The following ALLC variants were observed in gnomAD, a reference collection of about 807,000 sequenced individuals.
ALLC encodes the protein allantoicase, also known as probable inactive allantoicase.
Under a neutral mutation model 45.0 loss-of-function variants are expected in ALLC, and 40 were observed. That is an observed-to-expected ratio of 0.89 (90% confidence interval 0.69 to 1.16). The LOEUF (loss-of-function observed/expected upper bound fraction) is 1.16. ALLC is among the 50% of genes most tolerant of loss of function. The pLI is 0.00. For missense variants in ALLC, 488 were observed against 493.1 expected, an observed-to-expected ratio of 0.99 and a Z score of 0.10; for synonymous variants, 176 against 178.1, an observed-to-expected ratio of 0.99 and a Z score of 0.09.
At chr2:3,648,152 CAGG>C in the ALLC span, among the ~76,000 whole-genome samples, 1 of 152,284 alleles carries the variant, frequency 6.6e-6, no homozygotes, top group Non-Finnish European at 1.5e-5. Context: ...AGGATGGGAG[CAGG>C]AGAGCTCTTT....
rs368232035 is a variant in ALLC at position 3,684,570 on chromosome 2, C to G, written c.511+1496C>G. Among the ~76,000 whole-genome samples the G allele has an allele frequency of 2.7e-3, 404 of 152,218 alleles. 4 individuals carry two copies. The highest frequency in any genetic ancestry group is 9.1e-3 in the African/African-American group (380 of 41,532). ...GTGTAGCCTGTTATCCCTCACCCCC[C>G]ACCCTTCCCCACATTGTATCATTCT... is the stretch of plus-strand genomic sequence containing the variant. On this transcript the variant is annotated intron_variant, in intron 7 of 11. Transcript: ENST00000252505.
rs115755887 is a variant in ALLC, at chr2:3,663,631, A to G, written c.-63+5337A>G. On this transcript the variant is annotated intron_variant, in intron 1 of 11. Transcript: ENST00000252505. ...CAGAAACAGTATCTGCCTGGTGCAC[A>G]GTAGGTCTTCAATGGTAAGTAGCCA... Among the ~76,000 whole-genome samples, 182 of 152,274 alleles carry G rather than the reference A, an allele frequency of 1.2e-3. 1 individual carries two copies. The highest frequency in any genetic ancestry group is 4.1e-3 in the African/African-American group (171 of 41,552).
the ALLC span, among the ~76,000 whole-genome samples, chr2:3,649,463 G>A: frequency 2.0e-5 from 3 of 152,082 alleles, no homozygotes; most frequent in Admixed American, 6.6e-5. Context: ...GGATGGTCTC[G>A]ATCTCCTGAC....
chr2:3,701,687 T>C, intron 11 of ALLC, 51 bp downstream of exon 11: 1 of 1,548,896 alleles, frequency 6.5e-7, no homozygotes, highest in Non-Finnish European at 8.8e-7. Context: ...GCTATTTCCC[T>C]AAGATTCTCT....
intron 3 of ALLC, among the ~76,000 whole-genome samples, chr2:3,675,016 G>C (rs983220333): frequency 2.0e-5 from 3 of 152,180 alleles, no homozygotes; most frequent in Non-Finnish European, 4.4e-5. Flanking sequence ...TTGGAGAGGA[G>C]ATAACCAACC....
At chr2:3,677,874 G>A (rs1160726362) in intron 3 of ALLC, among the ~76,000 whole-genome samples, 1 of 152,240 alleles carries the variant, frequency 6.6e-6, no homozygotes, top group Non-Finnish European at 1.5e-5. Context: ...CGCTATTTGA[G>A]GGTCTTTCAT....
At chr2:3,695,941 G>A in intron 8 of ALLC, 69 bp downstream of exon 8, 13 of 1,454,756 alleles carry the variant, frequency 8.9e-6, no homozygotes, top group Non-Finnish European at 1.2e-5. Context: ...CCCCAATATG[G>A]TCAGAGTGAT....
chr2:3,697,058 G>A (rs893912351), intron 9 of ALLC, among the ~76,000 whole-genome samples: 3 of 152,190 alleles, frequency 2.0e-5, no homozygotes, highest in Non-Finnish European at 4.4e-5. Flanking sequence ...GACTGGAATA[G>A]ACGAAGATTG....
chr2:3,698,148 A>G (rs974135381), intron 10 of ALLC, among the ~76,000 whole-genome samples: 1 of 151,730 alleles, frequency 6.6e-6, no homozygotes, highest in Non-Finnish European at 1.5e-5. Flanking sequence ...TATTGTTAGT[A>G]GAGACGGGGT....
At chr2:3,656,123 C>A (rs1204395365), upstream of ALLC, among the ~76,000 whole-genome samples, 1 of 152,238 alleles carries the variant, frequency 6.6e-6, no homozygotes, top group East Asian at 1.9e-4. Flanking sequence ...GCGCAGGGGT[C>A]GGGAGGAGCC....
chr2:3,696,370 T>C (rs1667673292), intron 9 of ALLC, 22 bp downstream of exon 9: 2 of 1,574,842 alleles, frequency 1.3e-6, no homozygotes, highest in Non-Finnish European at 1.7e-6. Flanking sequence ...AAAATAACTA[T>C]GGTTTAAAGT....
At chr2:3,674,933 G>C (rs1666982266) in intron 3 of ALLC, among the ~76,000 whole-genome samples, 1 of 152,210 alleles carries the variant, frequency 6.6e-6, no homozygotes, top group Non-Finnish European at 1.5e-5. Flanking sequence ...CCTTGACCTA[G>C]TTGTTCCACA....
chr2:3,671,115 G>A lies in ALLC; in HGVS notation c.-43G>A, dbSNP rs771791796. ...TTCCAGGAAGCACGGCTGATGCTCCGAAGGAGGGAAGACTGACCCGGTTTC... is the reference window on the plus strand; with the variant it reads ...TTCCAGGAAGCACGGCTGATGCTCCAAAGGAGGGAAGACTGACCCGGTTTC... On this transcript the variant is annotated 5_prime_UTR_variant, in exon 2 of 12. Transcript: ENST00000252505. 3.1e-6 allele frequency: 5 copies of A among 1,601,812 alleles called. No individual in the cohort carries two copies. The highest frequency in any genetic ancestry group is 2.7e-5 in the African/African-American group (2 of 74,758).
intron 1 of ALLC, among the ~76,000 whole-genome samples, chr2:3,659,003 G>A (rs1198642255): frequency 6.6e-6 from 1 of 152,054 alleles, no homozygotes; most frequent in Non-Finnish European, 1.5e-5. Context: ...CAGGAGTCTC[G>A]TGCAGTTGAC....
intron 2 of ALLC, among the ~76,000 whole-genome samples, chr2:3,673,222 C>T (rs66557864): frequency 4.6e-5 from 7 of 152,230 alleles, no homozygotes; most frequent in Middle Eastern, 3.4e-3. Flanking sequence ...GAACACGCTG[C>T]GCGTTTGTGA....
Position 3,683,041 on chromosome 2 carries a change from A to G in ALLC, c.478A>G (p.Arg160Gly). Reference sequence around the variant, plus strand: ...CTATTTTCTTGTCAATTCCCAGCAGAGATGGACTCATATCAGACTCAACAT... The same window carrying G: ...CTATTTTCTTGTCAATTCCCAGCAGGGATGGACTCATATCAGACTCAACAT... ...HNYFLVNSQQ[R>G]WTHIRLNIFP... is the part of the protein sequence containing the mutation. Residue 160 changes from arginine (R) to glycine (G), a missense_variant, in exon 7 of 12, where the codon AGA (arginine) becomes GGA (glycine). Arg to Gly is a moderately radical substitution (Grantham distance 125). Transcript: ENST00000252505. 6.2e-7 allele frequency: 1 copy of G among 1,613,956 alleles called. No homozygotes were observed. The highest frequency in any genetic ancestry group is 8.5e-7 in the Non-Finnish European group (1 of 1,179,864).
At chr2:3,693,503 T>C (rs543122142) in intron 7 of ALLC, among the ~76,000 whole-genome samples, 42 of 152,372 alleles carry the variant, frequency 2.8e-4, no homozygotes, top group African/African-American at 9.9e-4. Context: ...TACTTTGAGC[T>C]ACAGACTGAG....
intron 10 of ALLC, among the ~76,000 whole-genome samples, chr2:3,699,929 T>C (rs1166934786): frequency 2.0e-5 from 3 of 152,256 alleles, no homozygotes; most frequent in African/African-American, 7.2e-5. Context: ...GCAAATATTT[T>C]CTCCCATTCC....
intron 10 of ALLC, among the ~76,000 whole-genome samples, chr2:3,698,964 A>C (rs1667753971): frequency 6.6e-6 from 1 of 152,172 alleles, no homozygotes. Flanking sequence ...TAGTGCCTAT[A>C]ATTATTTCAA....
Sources: allele counts gnomAD v4.1 joint callset (sites outside exome capture counted in the v4.1 genomes callset), GRCh38; gene constraint gnomAD v4.1.1; transcripts MANE v1.5; gene names NCBI Gene and HGNC (gene_info 2026-07-23, HGNC 2026-07-21).